SMARCC2: variants seen among roughly 807,000 people sequenced by gnomAD.
The protein encoded by SMARCC2 is SWI/SNF complex subunit SMARCC2.
A neutral mutation model predicts 151.3 loss-of-function variants in SMARCC2; 15 were observed. The ratio of observed to expected loss-of-function variants is 0.10; its 90% CI spans 0.07 to 0.15. The LOEUF (loss-of-function observed/expected upper bound fraction) is 0.15, where lower values mean the gene tolerates loss of function less well. Ranked by LOEUF, SMARCC2 falls within the 10% of genes least tolerant of loss-of-function variation. SMARCC2 has a pLI of 1.00. For synonymous variants in SMARCC2, 590 were observed against 609.5 expected, an observed-to-expected ratio of 0.97 and a Z score of 0.47; for missense variants, 1,031 against 1,599.7, an observed-to-expected ratio of 0.64 and a Z score of 6.06.
intron 1 of SMARCC2, 110 bp downstream of exon 1, chr12:56,189,241 G>C: frequency 2.0e-6 from 1 of 489,016 alleles, no homozygotes; most frequent in Non-Finnish European, 3.2e-6. Context: ...TTGGGAGGCC[G>C]CGGGGGAGGG....
intron 2 of SMARCC2, 28 bp from the exon 3 acceptor site, chr12:56,186,268 T>C (rs958772318): frequency 1.4e-6 from 2 of 1,404,210 alleles, no homozygotes; most frequent in Non-Finnish European, 2.0e-6. Context: ...GGAAAAAGCA[T>C]GTCAAGGTTC....
chr12:56,163,842 A>C, intron 28 of SMARCC2, 77 bp from the exon 29 acceptor site: 1 of 960,792 alleles, frequency 1.0e-6, no homozygotes. Context: ...ACAGACAGAC[A>C]GAACCGGGCA....
chr12:56,173,004 T>C lies in SMARCC2; in HGVS notation c.1676A>G (p.Lys559Arg). 6.2e-7 allele frequency: 1 copy of C among 1,614,132 alleles called. No homozygotes were observed. Among genetic ancestry groups the C allele is most frequent in the Non-Finnish European group, 8.5e-7 (1 of 1,180,026 alleles). The change falls in exon 18 of 29, where the codon AAG (lysine) becomes AGG (arginine). Residue 559 changes from lysine to arginine, a missense_variant. Lys to Arg is a conservative substitution (Grantham distance 26). This residue lies in a region of SMARCC2 where 99 missense variants were observed against 148.3 expected (regional missense o/e 0.67). Coordinates refer to ENST00000550164, the MANE Select transcript of SMARCC2 (RefSeq NM_001330288.2). ...PQGRQVDADT[K>R]AGRKGKELDD... ...CAGCTCTTTGCCCTTTCGCCCAGCCTTGGTATCAGCATCAACCTGGCGGCC... is the reference window on the plus strand; with the variant it reads ...CAGCTCTTTGCCCTTTCGCCCAGCCCTGGTATCAGCATCAACCTGGCGGCC...
chr12:56,163,673 A>T lies in SMARCC2; in HGVS notation c.*16T>A, dbSNP rs200882293. On this transcript the variant is annotated 3_prime_UTR_variant, in exon 29 of 29. Coordinates refer to ENST00000550164, the MANE Select transcript of SMARCC2 (RefSeq NM_001330288.2). ...TGTCCACAGGGGGTGAGGGGGAGAG[A>T]TGTCTGGCTGGCTCCTCACTGTGGA... 1 of 1,466,618 alleles carries T rather than the reference A, an allele frequency of 6.8e-7. No individual in the cohort carries two copies. The highest frequency in any genetic ancestry group is 9.1e-7 in the Non-Finnish European group (1 of 1,104,936). The allele number at this position is 1,466,618 out of a possible 1,614,324, so 90.9% of individuals were successfully genotyped here. A position where few individuals can be genotyped will look rare whatever the true frequency, so the allele number is the denominator to read the frequency against.
chr12:56,167,951 AACAC>A lies in SMARCC2; in HGVS notation c.2850+105_2850+108del, dbSNP rs56809897. 75,204 of 685,172 alleles carry A rather than the reference AACAC, an allele frequency of 0.11. 2,605 individuals carry two copies. Among genetic ancestry groups the A allele is most frequent in the African/African-American group, 0.15 (6,462 of 44,130 alleles). 42.4% of individuals were successfully genotyped at this position (685,172 alleles called of 1,614,324 possible). ...CTGTTGCTTATCTCTCTTTCACTGA[AACAC>A]ACACACACACACACACACACACACA... On this transcript the variant is annotated intron_variant, in intron 26 of 28. Coordinates refer to ENST00000550164, the MANE Select transcript of SMARCC2 (RefSeq NM_001330288.2).
intron 16 of SMARCC2, 60 bp from the exon 17 acceptor site, chr12:56,173,909 A>G: frequency 6.6e-7 from 1 of 1,515,808 alleles, no homozygotes; most frequent in Non-Finnish European, 9.0e-7. Flanking sequence ...CACGAGGAAG[A>G]GGAAAAGTGG....
At position 56,181,138 on chromosome 12, in the gene SMARCC2, C is replaced by T. The variant is rs191102675; in HGVS notation, c.957-37G>A. Reference sequence around the variant, plus strand: ...AGAGAGTGAAAGAGAACCCAGTCATCCTTGGACAAGGAGTCCCTGGAAGTT... The same window carrying T: ...AGAGAGTGAAAGAGAACCCAGTCATTCTTGGACAAGGAGTCCCTGGAAGTT... On this transcript the variant is annotated intron_variant, in intron 10 of 28. Transcript: ENST00000550164. 2.7e-4 allele frequency: 424 copies of T among 1,593,852 alleles called. 1 individual carries two copies. In the African/African-American group the frequency reaches 4.6e-3, roughly 17 times the overall value.
intron 11 of SMARCC2, 35 bp downstream of exon 11, chr12:56,180,941 TG>T: frequency 6.3e-7 from 1 of 1,581,056 alleles, no homozygotes; most frequent in Non-Finnish European, 8.6e-7. Context: ...AGACGGGGAG[TG>T]GGGGTGGATC....
At chr12:56,186,117 T>TA (rs1336139456) in intron 3 of SMARCC2, 38 bp downstream of exon 3, 3 of 1,388,924 alleles carry the variant, frequency 2.2e-6, no homozygotes, top group Non-Finnish European at 3.1e-6. Flanking sequence ...GGATTTCCTC[T>TA]AAACTAAATA....
At chr12:56,164,841 T>A in intron 27 of SMARCC2, 110 bp from the exon 28 acceptor site, 4 of 940,226 alleles carry the variant, frequency 4.3e-6, no homozygotes, top group Non-Finnish European at 6.3e-6. Context: ...CAGGCTGGAG[T>A]GCAGTGGCAC....
Position 56,181,727 on chromosome 12 carries a change from A to C in SMARCC2, c.817T>G (p.Ser273Ala). 6.2e-7 allele frequency: 1 copy of C among 1,614,206 alleles called. No homozygotes were observed. Among genetic ancestry groups the C allele is most frequent in the Non-Finnish European group, 8.5e-7 (1 of 1,180,030 alleles). The change falls in exon 9 of 29, where the codon TCA becomes GCA. Residue 273 changes from serine to alanine, a missense_variant. Physicochemically the swap from Ser to Ala is moderately conservative, Grantham distance 99. This residue lies in a region of SMARCC2 where 123 missense variants were observed against 190.4 expected (regional missense o/e 0.65). Transcript: ENST00000550164. The part of the protein sequence containing the change: ...KNPVSRRKKI[S>A]AKTLTDEVNS... The stretch of plus-strand genomic sequence containing the variant: ...ACCTCATCTGTCAGTGTCTTGGCTG[A>C]AATCTTCTTTCGGCGGGAGACAGGG...
At chr12:56,185,845 T>C in intron 3 of SMARCC2, 1 of 341,264 alleles carries the variant, frequency 2.9e-6, no homozygotes, top group Non-Finnish European at 5.3e-6. Flanking sequence ...TCACCTGGGA[T>C]CTGAGGTTCA....
chr12:56,187,413 T>C (rs1877469388), intron 1 of SMARCC2, 107 bp from the exon 2 acceptor site: 26 of 1,060,544 alleles, frequency 2.5e-5, no homozygotes, highest in Non-Finnish European at 3.5e-5. Flanking sequence ...GCAAAGAAAA[T>C]AGTGCCCTTC....
intron 6 of SMARCC2, 97 bp from the exon 7 acceptor site, chr12:56,184,027 G>T: frequency 1.9e-6 from 2 of 1,077,500 alleles, no homozygotes; most frequent in Non-Finnish European, 2.8e-6. Flanking sequence ...TCCTGTTGTA[G>T]CAGGGGACTT....
In SMARCC2 at chr12:56,185,074, G is replaced by A. The variant is rs777660250; in HGVS notation, c.355C>T (p.Arg119Cys). The part of the protein sequence containing the change: ...YDFQNPSRMD[R>C]NVEMFMTIEK... ...ATGGTCATAAACATTTCCACATTGC[G>A]GTCCATGCGTGATGGATTCTGGAAA... The change falls in exon 4 of 29, where the codon CGC (arginine) becomes TGC (cysteine). Residue 119 changes from arginine to cysteine, a missense_variant. By Grantham distance (180) the Arg-to-Cys change is radical. Transcript: ENST00000550164. 13 of 1,613,948 alleles carry A rather than the reference G, an allele frequency of 8.1e-6. No individual in the cohort carries two copies. The highest frequency in any genetic ancestry group is 2.2e-5 in the East Asian group (1 of 44,888).
intron 7 of SMARCC2, among the ~76,000 whole-genome samples, chr12:56,182,941 C>T: frequency 6.7e-6 from 1 of 149,776 alleles, no homozygotes; most frequent in African/African-American, 2.5e-5. Flanking sequence ...TCAAGCAATC[C>T]TCCCACCTCA....
intron 7 of SMARCC2, chr12:56,183,300 G>A (rs773645): frequency 0.1 from 15,343 of 152,032 alleles, 808 homozygotes; most frequent in Non-Finnish European, 0.11. Flanking sequence ...AAAACTACAG[G>A]CGTGTGCCAC....
chr12:56,180,884 G>T, intron 11 of SMARCC2, 93 bp downstream of exon 11: 3 of 1,310,450 alleles, frequency 2.3e-6, no homozygotes, highest in South Asian at 2.8e-5. Context: ...AGACTGGGAG[G>T]TGGACCTGAG....
chr12:56,185,446 G>C, intron 3 of SMARCC2: 2 of 268,432 alleles, frequency 7.5e-6, no homozygotes, highest in South Asian at 7.8e-5. Context: ...GCCTCCCAAA[G>C]TGCTGGGATT....
Sources: allele counts gnomAD v4.1 joint callset (sites outside exome capture counted in the v4.1 genomes callset), GRCh38; gene constraint gnomAD v4.1.1; regional missense constraint gnomAD v4.1.1; transcripts MANE v1.5; gene names NCBI Gene and HGNC (gene_info 2026-07-23, HGNC 2026-07-21).